MYH9: variants seen among roughly 807,000 people sequenced by gnomAD.
The protein encoded by MYH9 is myosin heavy chain 9.
MYH9 carries 29 observed loss-of-function variants against 241.9 expected under a neutral mutation model. That is an observed-to-expected ratio of 0.12 (90% CI 0.09 to 0.16). The LOEUF (loss-of-function observed/expected upper bound fraction) is 0.16, where lower values mean the gene tolerates loss of function less well. Ranked by LOEUF, MYH9 falls within the 10% of genes least tolerant of loss-of-function variation. The pLI is 1.00. For synonymous variants in MYH9, 1,047 were observed against 1,062.6 expected, an observed-to-expected ratio of 0.99 and a Z score of 0.29; for missense variants, 1,803 against 2,595.5, an observed-to-expected ratio of 0.69 and a Z score of 6.63.
rs886038514 is a variant in MYH9, at chr22:36,285,879, G to A, written c.5136C>T (p.Asn1712=). The A allele has an allele frequency of 1.9e-6, 3 of 1,613,562 alleles. No homozygotes were observed. The highest frequency in any genetic ancestry group is 2.5e-6 in the Non-Finnish European group (3 of 1,179,980). ...ERDELADEIA[N]SSGKGALALE... The stretch of plus-strand genomic sequence containing the variant: ...ACTCAGCTCACCCTTTGCCGCTGCT[G>A]TTGGCGATCTCGTCAGCCAGCTCAT... The change falls in exon 36 of 41, where the codon AAC becomes AAT. Residue 1712 remains asparagine, a synonymous_variant. Coordinates refer to ENST00000216181, the MANE Select transcript of MYH9 (RefSeq NM_002473.6). This position sits in a 1 kb window ranked among gnomAD's most constrained non-coding sequence, Gnocchi z 7.0.
intron 3 of MYH9, among the ~76,000 whole-genome samples, chr22:36,338,819 CAAA>C (rs1328134632): frequency 8.1e-5 from 9 of 110,868 alleles, no homozygotes; most frequent in African/African-American, 1.0e-4. Flanking sequence ...GACTCCATCT[CAAA>C]AAAAAAAAAA....
In MYH9 at chr22:36,305,820, G is replaced by A; in HGVS notation, c.2159+110C>T. On this transcript the variant is annotated intron_variant, in intron 17 of 40. Coordinates refer to ENST00000216181, the MANE Select transcript of MYH9 (RefSeq NM_002473.6). The surrounding 1 kb of genome is among the most constrained non-coding windows in gnomAD (Gnocchi z 4.7). ...CCAGACTCAGTTCTACATGGATGGA[G>A]GACGTCGCTCCCTCACGACAGGATC... 8 of 1,486,340 alleles carry A rather than the reference G, an allele frequency of 5.4e-6. No homozygotes were observed. Among genetic ancestry groups the A allele is most frequent in the South Asian group, 1.1e-5 (1 of 88,122 alleles). 92.1% of individuals were successfully genotyped at this position (1,486,340 alleles called of 1,614,324 possible). A position where few individuals can be genotyped will look rare whatever the true frequency, so the allele number is the denominator to read the frequency against.
chr22:36,335,452 CAG>C (rs1444608926), intron 3 of MYH9, among the ~76,000 whole-genome samples: 1 of 152,242 alleles, frequency 6.6e-6, no homozygotes, highest in African/African-American at 2.4e-5. Context: ...CCTGCTTCAG[CAG>C]AGTCATCCCA....
At chr22:36,353,405 G>C (rs1002847819) in intron 1 of MYH9, among the ~76,000 whole-genome samples, 1 of 152,008 alleles carries the variant, frequency 6.6e-6, no homozygotes, top group Non-Finnish European at 1.5e-5. Flanking sequence ...CTGTTGCCCA[G>C]GCTGGAGTGC....
intron 3 of MYH9, among the ~76,000 whole-genome samples, chr22:36,336,165 C>G (rs931344578): frequency 6.6e-6 from 1 of 152,200 alleles, no homozygotes; most frequent in Non-Finnish European, 1.5e-5. Context: ...AATATTAATA[C>G]CATAAAGTCA....
chr22:36,325,156 G>A (rs761571033), intron 5 of MYH9: 5 of 751,938 alleles, frequency 6.6e-6, no homozygotes, highest in African/African-American at 3.4e-5. Flanking sequence ...GGTAGGGAGG[G>A]AGAGAGGGAT....
chr22:36,291,412 G>A (rs1205010557), intron 31 of MYH9, among the ~76,000 whole-genome samples: 2 of 151,920 alleles, frequency 1.3e-5, no homozygotes, highest in Non-Finnish European at 1.5e-5. Flanking sequence ...CATGTGCTGT[G>A]TCCACTCAGG....
In MYH9 at chr22:36,368,823, C is replaced by T. The variant is rs892662035; in HGVS notation, c.-20+18984G>A. 1.2e-4 allele frequency among the ~76,000 whole-genome samples: 17 copies of T among 146,030 alleles called. No homozygotes were observed. The South Asian group carries it at 3.6e-3, about 31-fold the overall frequency. ...CTGCAGCACAACAAAGGCTGCCCTGCAAAGCCCGGAAGAGCCTGCGAAGCC... is the reference window on the plus strand; with the variant it reads ...CTGCAGCACAACAAAGGCTGCCCTGTAAAGCCCGGAAGAGCCTGCGAAGCC... On this transcript the variant is annotated intron_variant, in intron 1 of 40. Coordinates refer to ENST00000216181, the MANE Select transcript of MYH9 (RefSeq NM_002473.6).
intron 40 of MYH9, 26 bp from the exon 41 acceptor site, chr22:36,282,811 G>A: frequency 6.3e-7 from 1 of 1,592,754 alleles, no homozygotes; most frequent in Non-Finnish European, 8.5e-7. Context: ...GAAGCAGAGG[G>A]TCAGCGGGCC....
chr22:36,310,269 CA>C (rs575607583), intron 14 of MYH9, among the ~76,000 whole-genome samples: 79 of 133,896 alleles, frequency 5.9e-4, no homozygotes, highest in Middle Eastern at 4.1e-3. Flanking sequence ...GACTCCGTCT[CA>C]AAAAAAAAAA....
At chr22:36,351,339 T>C (rs2017762346) in intron 1 of MYH9, among the ~76,000 whole-genome samples, 1 of 152,170 alleles carries the variant, frequency 6.6e-6, no homozygotes, top group South Asian at 2.1e-4. Flanking sequence ...GCACATCCAC[T>C]CTGCAAGGAC....
chr22:36,375,051 C>T (rs1007012920), intron 1 of MYH9, among the ~76,000 whole-genome samples: 1 of 152,190 alleles, frequency 6.6e-6, no homozygotes, highest in Non-Finnish European at 1.5e-5. Context: ...GAAACAAGGG[C>T]CTATGTTTCT....
intron 40 of MYH9, 148 bp downstream of exon 40, chr22:36,283,945 A>G: frequency 1.0e-6 from 1 of 955,778 alleles, no homozygotes. Flanking sequence ...CTAAAGCCTC[A>G]AAGGCAAGGA....
At chr22:36,331,215 T>C (rs937762763) in intron 3 of MYH9, among the ~76,000 whole-genome samples, 1 of 152,038 alleles carries the variant, frequency 6.6e-6, no homozygotes, top group Non-Finnish European at 1.5e-5. Context: ...GCTCTGAGGA[T>C]GGAAGGAAAT....
In MYH9 at chr22:36,303,197, T is replaced by G. The variant is rs368938357; in HGVS notation, c.2391-521A>C. ...ATGCTCAAGCTTCGTCTCCCAGAGCTCGGCGCTCCTGCTAGGACCCCATCC... is the reference window on the plus strand; with the variant it reads ...ATGCTCAAGCTTCGTCTCCCAGAGCGCGGCGCTCCTGCTAGGACCCCATCC... On this transcript the variant is annotated intron_variant, in intron 19 of 40. Coordinates refer to ENST00000216181, the MANE Select transcript of MYH9 (RefSeq NM_002473.6). Among the ~76,000 whole-genome samples, 37 of 152,116 alleles carry G rather than the reference T, an allele frequency of 2.4e-4. No homozygotes were observed. In the East Asian group the frequency reaches 5.4e-3, roughly 22 times the overall value.
intron 34 of MYH9, among the ~76,000 whole-genome samples, chr22:36,287,465 C>T (rs541659552): frequency 7.9e-5 from 12 of 151,530 alleles, no homozygotes; most frequent in African/African-American, 2.7e-4. Context: ...TTTTTTTGGC[C>T]GGGCGCAGTG....
chr22:36,384,342 G>A (rs1466377455), intron 1 of MYH9, among the ~76,000 whole-genome samples: 1 of 150,966 alleles, frequency 6.6e-6, no homozygotes, highest in Non-Finnish European at 1.5e-5. Context: ...CAGCACTGTG[G>A]GAGGCCGAGA....
In MYH9 at chr22:36,294,143, G is replaced by T. The variant is rs192365600; in HGVS notation, c.3786C>A (p.Asn1262Lys). Residue 1262 changes from asparagine (N) to lysine (K), a missense_variant, in exon 28 of 41, where the codon AAC becomes AAA. By Grantham distance (94) the Asn-to-Lys change is moderately conservative. Around this residue, in one of 11 missense-constraint regions of MYH9, gnomAD observed 876 missense variants for 1,077.8 expected, o/e 0.81. Coordinates refer to ENST00000216181, the MANE Select transcript of MYH9 (RefSeq NM_002473.6). ...AQLQELQVKF[N>K]EGERVRTELA... ...GCTCTGTGCGCACGCGCTCTCCCTC[G>T]TTGAACTTGACCTGCAGCTCCTGCA... 2.2e-5 allele frequency: 35 copies of T among 1,612,440 alleles called. No individual in the cohort carries two copies. Among genetic ancestry groups the T allele is most frequent in the Non-Finnish European group, 8.5e-7 (1 of 1,180,022 alleles).
intron 15 of MYH9, among the ~76,000 whole-genome samples, chr22:36,307,274 A>G (rs757079828): frequency 7.9e-5 from 12 of 152,108 alleles, no homozygotes; most frequent in Non-Finnish European, 1.3e-4. Flanking sequence ...GGTCTTTCTC[A>G]TGTAAACCGA....
Sources: allele counts gnomAD v4.1 joint callset (sites outside exome capture counted in the v4.1 genomes callset), GRCh38; gene constraint gnomAD v4.1.1; regional missense constraint gnomAD v4.1.1; non-coding constraint Gnocchi (gnomAD v3.1); transcripts MANE v1.5; gene names NCBI Gene and HGNC (gene_info 2026-07-23, HGNC 2026-07-21).